Variants in TRIM66 observed in about 807,000 individuals in gnomAD.
TRIM66 encodes tripartite motif containing 66.
In TRIM66, 99 loss-of-function variants were observed where a neutral mutation model predicts 148.2. The observed-to-expected ratio is 0.67, with a 90% CI of 0.57 to 0.79. TRIM66 has a LOEUF of 0.79. TRIM66 is among the 30% of genes least tolerant of loss of function. The pLI is 0.00. For synonymous variants in TRIM66, 616 were observed against 635.9 expected, an observed-to-expected ratio of 0.97 and a Z score of 0.47; for missense variants, 1,666 against 1,697.9, an observed-to-expected ratio of 0.98 and a Z score of 0.33.
intron 12 of TRIM66, among the ~76,000 whole-genome samples, chr11:8,645,005 C>A (rs1423120097): frequency 6.6e-6 from 1 of 152,210 alleles, no homozygotes. Context: ...CTGACCACTG[C>A]TTCTCACTCT....
chr11:8,664,926 C>A (rs1377893882), intron 6 of TRIM66, among the ~76,000 whole-genome samples: 1 of 152,024 alleles, frequency 6.6e-6, no homozygotes. Flanking sequence ...CAGGCACAGC[C>A]CCTCTTCCAT....
rs2034100635 is a variant in TRIM66, at chr11:8,620,480, C to A, written c.3638G>T (p.Arg1213Leu). Residue 1213 changes from arginine to leucine, a missense_variant, in exon 21 of 25, where the codon CGG (arginine) becomes CTG (leucine). Arg to Leu is a moderately radical substitution (Grantham distance 102). Transcript: ENST00000646038. ...ATACATGCTTAGGCCAGGAGATGCC[C>A]GCATTCCAGGCTGGTTATAGCAGGC... is the stretch of plus-strand genomic sequence containing the variant. ...ENACYNQPGM[R>L]ASPGLSMYDQ... The A allele has an allele frequency of 4.5e-6, 7 of 1,551,782 alleles. No homozygotes were observed. The highest frequency in any genetic ancestry group is 6.1e-6 in the Non-Finnish European group (7 of 1,147,020).
upstream of TRIM66, chr11:8,683,144 G>A (rs2039521176): frequency 3.9e-6 from 6 of 1,540,398 alleles, no homozygotes; most frequent in African/African-American, 8.2e-5. Context: ...CTCGGCTGGC[G>A]GGCATCGCCC....
chr11:8,640,792 A>G lies in TRIM66; in HGVS notation c.1583T>C (p.Leu528Pro), dbSNP rs2133088251. ...GGGCTGGGTTTCCAGCCAGGGCTGC[A>G]GCAGCTTTGGTGGATGAGGGCTGCA... ...LACSPHPPKL[L>P]QPWLETQPPV... is the part of the protein sequence containing the mutation. The change falls in exon 14 of 25, where the codon CTG becomes CCG. Residue 528 changes from leucine to proline, a missense_variant. Leu to Pro is a moderately conservative substitution (Grantham distance 98, BLOSUM62 -3). Around this residue, in one of 3 missense-constraint regions of TRIM66, gnomAD observed 1,431 missense variants for 1,412.4 expected, o/e 1.01. Transcript: ENST00000646038. 6.4e-7 allele frequency: 1 copy of G among 1,551,082 alleles called. No individual in the cohort carries two copies. The highest frequency in any genetic ancestry group is 1.4e-5 in the African/African-American group (1 of 73,152).
chr11:8,652,334 A>G (rs1048433583), intron 6 of TRIM66, among the ~76,000 whole-genome samples: 1 of 152,094 alleles, frequency 6.6e-6, no homozygotes, highest in Admixed American at 6.5e-5. Flanking sequence ...ACCACATAGC[A>G]GGATGACTTG....
At chr11:8,659,049 A>AG (rs2038067402) in intron 6 of TRIM66, among the ~76,000 whole-genome samples, 2 of 151,788 alleles carry the variant, frequency 1.3e-5, no homozygotes, top group Admixed American at 1.3e-4. Context: ...ACAAGCAGGG[A>AG]GGGAAAAAGG....
chr11:8,660,556 C>A (rs546509354), intron 6 of TRIM66, among the ~76,000 whole-genome samples: 1 of 152,342 alleles, frequency 6.6e-6, no homozygotes, highest in South Asian at 2.1e-4. Flanking sequence ...TTTTCTGCTA[C>A]AATGGTAGAG....
At chr11:8,646,690 A>G (rs904223960) in intron 10 of TRIM66, 129 bp from the exon 11 acceptor site, 1 of 636,700 alleles carries the variant, frequency 1.6e-6, no homozygotes, top group Non-Finnish European at 2.7e-6. Flanking sequence ...CACCAAATAC[A>G]AAAAAAAGAG....
intron 6 of TRIM66, among the ~76,000 whole-genome samples, chr11:8,670,314 ATAGG>A (rs1252394954): frequency 2.0e-5 from 3 of 152,122 alleles, no homozygotes; most frequent in Non-Finnish European, 4.4e-5. Flanking sequence ...ACCAGGCCTG[ATAGG>A]TAGTTTTTTG....
rs1392476279 is a variant in TRIM66 at position 8,673,180 on chromosome 11, G to A, written c.-111-795C>T. 3.3e-5 allele frequency among the ~76,000 whole-genome samples: 5 copies of A among 151,614 alleles called. No individual in the cohort carries two copies. The East Asian group carries it at 5.8e-4, about 18-fold the overall frequency. On this transcript the variant is annotated intron_variant, in intron 4 of 24. Coordinates refer to ENST00000646038, the MANE Select transcript of TRIM66 (RefSeq NM_001388022.1). The stretch of plus-strand genomic sequence containing the variant: ...CCTGACCTCATGATCCACCCGCCTC[G>A]GCCTCCCAAAGTGCTGGGATTACAG...
chr11:8,658,760 G>A, intron 6 of TRIM66: 8 of 985,284 alleles, frequency 8.1e-6, no homozygotes, highest in Non-Finnish European at 9.6e-6. Flanking sequence ...AAAACAGCAG[G>A]AGCCCAAGAT....
intron 6 of TRIM66, among the ~76,000 whole-genome samples, chr11:8,657,956 C>A (rs1423552913): frequency 6.6e-6 from 1 of 152,250 alleles, no homozygotes; most frequent in Admixed American, 6.5e-5. Flanking sequence ...AGAGAAGCGA[C>A]AGGTGAGACC....
Position 8,651,831 on chromosome 11 carries a change from C to T in TRIM66, c.413G>A (p.Cys138Tyr), listed in dbSNP as rs2037386866. ...RDVTEHFFLH[C>Y]VPTEQPKMAR... Reference sequence around the variant, plus strand: ...CATCTTGGGTTGCTCAGTAGGAACACAATGCAGAAAAAAATGTTCAGTTAC... The same window carrying T: ...CATCTTGGGTTGCTCAGTAGGAACATAATGCAGAAAAAAATGTTCAGTTAC... The change falls in exon 7 of 25, where the codon TGT becomes TAT. Residue 138 changes from cysteine (C) to tyrosine (Y), a missense_variant. By Grantham distance (194) the Cys-to-Tyr change is radical. This residue lies in a region of TRIM66 where 1,431 missense variants were observed against 1,412.4 expected (regional missense o/e 1.01). Coordinates refer to ENST00000646038, the MANE Select transcript of TRIM66 (RefSeq NM_001388022.1). 4 of 1,551,644 alleles carry T rather than the reference C, an allele frequency of 2.6e-6. No homozygotes were observed. In the South Asian group the frequency reaches 3.6e-5, roughly 14 times the overall value.
At chr11:8,673,011 C>T (rs1272137230) in intron 4 of TRIM66, among the ~76,000 whole-genome samples, 1 of 147,606 alleles carries the variant, frequency 6.8e-6, no homozygotes, top group East Asian at 2.0e-4. Flanking sequence ...GCGATCTCTG[C>T]TCACTGCAAG....
chr11:8,656,848 T>C (rs1381814571), intron 6 of TRIM66, among the ~76,000 whole-genome samples: 1 of 152,144 alleles, frequency 6.6e-6, no homozygotes, highest in Non-Finnish European at 1.5e-5. Flanking sequence ...TCAGCTGTGA[T>C]GTAGCTCCCC....
intron 10 of TRIM66, 122 bp downstream of exon 10, chr11:8,647,848 G>A (rs979738179): frequency 2.6e-6 from 2 of 766,028 alleles, no homozygotes; most frequent in Non-Finnish European, 4.4e-6. Context: ...TAGGACATAT[G>A]CCCACATCTG....
In TRIM66 at chr11:8,612,225, G is replaced by A. The variant is rs1013774941; in HGVS notation, c.*5719C>T. The A allele has an allele frequency of 1.3e-5, 2 of 152,150 alleles. No homozygotes were observed. The highest frequency in any genetic ancestry group is 2.4e-5 in the African/African-American group (1 of 41,408). The allele number at this position is 152,150 out of a possible 1,614,324, so 9.4% of individuals were successfully genotyped here. A position where few individuals can be genotyped will look rare whatever the true frequency, so the allele number is the denominator to read the frequency against. On this transcript the variant is annotated 3_prime_UTR_variant, in exon 25 of 25. Transcript: ENST00000646038. ...AAGAAAGGGGTACAGCTTGAGGAAT[G>A]GGCATATGGCTCAGGAAGCAGCACC... is the stretch of plus-strand genomic sequence containing the variant.
chr11:8,641,258 G>A, intron 13 of TRIM66, 106 bp from the exon 14 acceptor site: 1 of 1,042,246 alleles, frequency 9.6e-7, no homozygotes, highest in Non-Finnish European at 1.4e-6. Flanking sequence ...TCCTGTACCA[G>A]GAACAGAGAT....
Position 8,646,450 on chromosome 11 carries a change from T to C in TRIM66, c.954A>G (p.Leu318=). Residue 318 remains leucine (L), a synonymous_variant, in exon 11 of 25, where the codon TTA becomes TTG. Coordinates refer to ENST00000646038, the MANE Select transcript of TRIM66 (RefSeq NM_001388022.1). ...TGATCCATCTGTCTATACATACCTCTAATTCCTCTATTAGCCCATTGGCCT... is the reference window on the plus strand; with the variant it reads ...TGATCCATCTGTCTATACATACCTCCAATTCCTCTATTAGCCCATTGGCCT... ...NKQANGLIEE[L]EGITNERKRK... is the part of the protein sequence containing the mutation. The C allele has an allele frequency of 6.4e-7, 1 of 1,552,060 alleles. No homozygotes were observed. Among genetic ancestry groups the C allele is most frequent in the South Asian group, 1.2e-5 (1 of 84,058 alleles).
Sources: gnomAD v4.1 joint callset for allele counts (sites outside exome capture counted in the v4.1 genomes callset) on GRCh38, gnomAD v4.1.1 for gene constraint, gnomAD v4.1.1 regional missense constraint, MANE v1.5 for transcripts, NCBI Gene and HGNC (gene_info 2026-07-23, HGNC 2026-07-21) for gene names.